The following CTIF variants were observed in gnomAD, a reference collection of about 807,000 sequenced individuals.
CTIF encodes CBP80/20-dependent translation initiation factor.
A neutral mutation model predicts 66.0 loss-of-function variants in CTIF; 21 were observed. The ratio of observed to expected loss-of-function variants is 0.32; its 90% CI spans 0.23 to 0.46. The LOEUF (loss-of-function observed/expected upper bound fraction) is 0.46, where lower values mean the gene tolerates loss of function less well. Ranked by LOEUF, CTIF falls within the 20% of genes least tolerant of loss-of-function variation. The probability of loss-of-function intolerance (pLI) is 1.00; values close to 1 mark genes in which losing one functional copy is unlikely to be tolerated. For missense variants in CTIF, 739 were observed against 812.7 expected, an observed-to-expected ratio of 0.91 and a Z score of 1.10; for synonymous variants, 345 against 326.4, an observed-to-expected ratio of 1.06 and a Z score of -0.62.
At chr18:48,594,767 A>T (rs1277201352) in intron 1 of CTIF, among the ~76,000 whole-genome samples, 1 of 152,234 alleles carries the variant, frequency 6.6e-6, no homozygotes, top group Non-Finnish European at 1.5e-5. Context: ...TATTTTTGAT[A>T]GATCGAGAAG....
intron 7 of CTIF, among the ~76,000 whole-genome samples, chr18:48,753,482 T>C (rs996228432): frequency 2.3e-4 from 35 of 152,346 alleles, no homozygotes; most frequent in African/African-American, 7.9e-4. Context: ...CATTTTTGTC[T>C]TTTTGTATAA....
chr18:48,614,963 C>T lies in CTIF; in HGVS notation c.-28-4575C>T, dbSNP rs191939875. ...TCACCCAGACTGGAGTGCAGCAACA[C>T]GATCATAGCTCACTGTAACCTCAAA... On this transcript the variant is annotated intron_variant, in intron 1 of 11. Transcript: ENST00000256413. Among the ~76,000 whole-genome samples the T allele has an allele frequency of 5.9e-4, 90 of 152,282 alleles. 2 individuals carry two copies. The East Asian group carries it at 0.012, about 20-fold the overall frequency.
At chr18:48,674,978 A>G (rs1460297298) in intron 6 of CTIF, among the ~76,000 whole-genome samples, 2 of 151,762 alleles carry the variant, frequency 1.3e-5, no homozygotes, top group East Asian at 3.9e-4. Context: ...ATGACATGCC[A>G]TACAATGGCA....
Position 48,761,508 on chromosome 18 carries a change from T to A in CTIF, c.1190T>A (p.Met397Lys). The A allele has an allele frequency of 6.2e-7, 1 of 1,614,116 alleles. No individual in the cohort carries two copies. The highest frequency in any genetic ancestry group is 1.1e-5 in the South Asian group (1 of 91,082). Residue 397 changes from methionine (M) to lysine (K), a missense_variant, in exon 9 of 12, where the codon ATG (methionine) becomes AAG (lysine). Around this residue, in one of 2 missense-constraint regions of CTIF, gnomAD observed 210 missense variants for 292.3 expected, o/e 0.72. Transcript: ENST00000256413. The surrounding 1 kb of genome is among the most constrained non-coding windows in gnomAD (Gnocchi z 4.2). The stretch of plus-strand genomic sequence containing the variant: ...GTGGACACCAAGCTCACCACCTTCA[T>A]GGAGGAGGCCCAGAACTCCACCAAC... ...SDVDTKLTTF[M>K]EEAQNSTNSE...
chr18:48,728,494 G>A (rs2092405638), intron 7 of CTIF, among the ~76,000 whole-genome samples: 1 of 152,202 alleles, frequency 6.6e-6, no homozygotes, highest in Non-Finnish European at 1.5e-5. Flanking sequence ...AAGCTATATA[G>A]CTGGGGAGTT....
intron 1 of CTIF, among the ~76,000 whole-genome samples, chr18:48,542,484 C>T (rs1168689555): frequency 2.0e-5 from 3 of 152,210 alleles, no homozygotes; most frequent in Non-Finnish European, 2.9e-5. Context: ...TACTGGGCAC[C>T]TACATGTTTG....
intron 1 of CTIF, among the ~76,000 whole-genome samples, chr18:48,593,420 G>A (rs527721607): frequency 4.0e-4 from 57 of 143,982 alleles, no homozygotes; most frequent in Non-Finnish European, 6.3e-4. Context: ...TCGCTCTGTC[G>A]CCCAGGCCAG....
chr18:48,740,397 G>T (rs890894519), intron 7 of CTIF, among the ~76,000 whole-genome samples: 1 of 152,102 alleles, frequency 6.6e-6, no homozygotes, highest in Non-Finnish European at 1.5e-5. Context: ...ACCTCTTCCT[G>T]CAACCCCACC....
At chr18:48,573,988 G>A (rs183913109) in intron 1 of CTIF, among the ~76,000 whole-genome samples, 149 of 152,342 alleles carry the variant, frequency 9.8e-4, no homozygotes, top group Middle Eastern at 3.4e-3. Context: ...GGCCATACAG[G>A]TCACCTTCCA....
rs562987204 is a variant in CTIF, at chr18:48,750,845, T to A, written c.585-7074T>A. 3.2e-4 allele frequency among the ~76,000 whole-genome samples: 48 copies of A among 152,330 alleles called. 2 individuals carry two copies. The highest frequency in any genetic ancestry group is 1.1e-3 in the African/African-American group (47 of 41,584). On this transcript the variant is annotated intron_variant, in intron 7 of 11. Coordinates refer to ENST00000256413, the MANE Select transcript of CTIF (RefSeq NM_014772.3). ...TGGCTGAGGCCTGTGGTCCTCTGAA[T>A]TTGGGTTTAGTGGCTCAGCAATGGT...
chr18:48,791,516 C>G (rs566467637), intron 9 of CTIF, among the ~76,000 whole-genome samples: 7 of 151,794 alleles, frequency 4.6e-5, no homozygotes, highest in Middle Eastern at 3.4e-3. Context: ...GAGTGGAAGC[C>G]CCTCCCTCCC....
intron 1 of CTIF, among the ~76,000 whole-genome samples, chr18:48,593,848 C>T (rs2089939922): frequency 6.6e-6 from 1 of 151,910 alleles, no homozygotes; most frequent in African/African-American, 2.4e-5. Context: ...GAGGATATAC[C>T]TTTGCCTCAG....
At chr18:48,786,218 G>T (rs1231394046) in intron 9 of CTIF, among the ~76,000 whole-genome samples, 1 of 152,146 alleles carries the variant, frequency 6.6e-6, no homozygotes, top group Admixed American at 6.5e-5. Flanking sequence ...CGTTTGGGAG[G>T]GGGTGCAAGC....
At chr18:48,807,621 C>A (rs2068176959) in intron 9 of CTIF, among the ~76,000 whole-genome samples, 1 of 144,210 alleles carries the variant, frequency 6.9e-6, no homozygotes, top group South Asian at 2.2e-4. Context: ...CGCTCTGTTG[C>A]CCAGGCTGGA....
intron 6 of CTIF, among the ~76,000 whole-genome samples, chr18:48,690,357 C>T (rs1196914473): frequency 6.6e-6 from 1 of 152,194 alleles, no homozygotes; most frequent in Non-Finnish European, 1.5e-5. Flanking sequence ...TCACCTCTAG[C>T]ATGACCTACA....
intron 2 of CTIF, among the ~76,000 whole-genome samples, chr18:48,629,252 G>A (rs559807031): frequency 2.0e-5 from 3 of 152,284 alleles, no homozygotes; most frequent in South Asian, 4.1e-4. Flanking sequence ...GGTGTCTGAC[G>A]CCACCCTCGG....
At chr18:48,817,198 C>T (rs529704872) in intron 9 of CTIF, 23 bp from the exon 10 acceptor site, 51 of 1,607,660 alleles carry the variant, frequency 3.2e-5, no homozygotes, top group Non-Finnish European at 3.7e-5. Context: ...GGGAGGCTGA[C>T]GCGGTCTCTC....
chr18:48,650,061 C>T (rs530275360), intron 3 of CTIF, among the ~76,000 whole-genome samples: 3 of 152,308 alleles, frequency 2.0e-5, no homozygotes, highest in East Asian at 1.9e-4. Flanking sequence ...AAAACAAGAG[C>T]GCCTCTTCTC....
In CTIF at chr18:48,761,757, C is replaced by A; in HGVS notation, c.1371+68C>A. 6.8e-7 allele frequency: 1 copy of A among 1,462,772 alleles called. No individual in the cohort carries two copies. The highest frequency in any genetic ancestry group is 2.3e-4 in the Middle Eastern group (1 of 4,348). The allele number at this position is 1,462,772 out of a possible 1,614,324, so 90.6% of individuals were successfully genotyped here. ...TCTGCGTTCGGTGAGTTATTCCTAG[C>A]GAGAAGGCTGCGAGTTCTGGCCACA... On this transcript the variant is annotated intron_variant, in intron 9 of 11. Coordinates refer to ENST00000256413, the MANE Select transcript of CTIF (RefSeq NM_014772.3). This position sits in a 1 kb window ranked among gnomAD's most constrained non-coding sequence, Gnocchi z 4.2.
Sources: allele counts gnomAD v4.1 joint callset (sites outside exome capture counted in the v4.1 genomes callset), GRCh38; gene constraint gnomAD v4.1.1; regional missense constraint gnomAD v4.1.1; non-coding constraint Gnocchi (gnomAD v3.1); transcripts MANE v1.5; gene names NCBI Gene and HGNC (gene_info 2026-07-23, HGNC 2026-07-21).